Variants in CCDC178 observed in about 807,000 individuals in gnomAD.
CCDC178 encodes coiled-coil domain-containing protein 178.
A neutral mutation model predicts 117.4 loss-of-function variants in CCDC178; 126 were observed. The observed-to-expected ratio is 1.07, with a 90% confidence interval of 0.93 to 1.24. The LOEUF is 1.24. CCDC178 is among the 50% of genes most tolerant of loss of function. The pLI is 0.00. For missense variants in CCDC178, 1,030 were observed against 986.9 expected (o/e 1.04, Z -0.59); for synonymous variants, 283 against 313.4 (o/e 0.90, Z 1.02).
At chr18:33,416,023 A>T (rs920734773) in intron 2 of CCDC178, among the ~76,000 whole-genome samples, 3 of 152,222 alleles carry the variant, frequency 2.0e-5, no homozygotes, top group Non-Finnish European at 4.4e-5. Context: ...GACAAAATAA[A>T]GCTCCAACAA....
chr18:33,366,704 T>C lies in CCDC178; in HGVS notation c.348+3346A>G, dbSNP rs373884208. On this transcript the variant is annotated intron_variant, in intron 6 of 22. Transcript: ENST00000383096. ...CAGATGACTACATATTATATGTAAC[T>C]GGGGTGAAGGCTCCAGCTGATCATC... Among the ~76,000 whole-genome samples the C allele has an allele frequency of 3.1e-4, 47 of 152,146 alleles. No individual in the cohort carries two copies. The South Asian group carries it at 9.3e-3, about 30-fold the overall frequency.
intron 11 of CCDC178, among the ~76,000 whole-genome samples, chr18:33,305,180 C>A (rs1327780678): frequency 6.6e-6 from 1 of 152,158 alleles, no homozygotes; most frequent in Non-Finnish European, 1.5e-5. Flanking sequence ...AGCTTTTTTA[C>A]ATGCTCATAG....
intron 20 of CCDC178, among the ~76,000 whole-genome samples, chr18:33,185,876 C>G (rs2144498127): frequency 6.6e-6 from 1 of 151,944 alleles, no homozygotes; most frequent in Non-Finnish European, 1.5e-5. Flanking sequence ...TGGTGGTTCA[C>G]CAGAATATCT....
chr18:33,257,100 A>G (rs763052270), intron 14 of CCDC178, among the ~76,000 whole-genome samples: 1 of 151,880 alleles, frequency 6.6e-6, no homozygotes, highest in Non-Finnish European at 1.5e-5. Flanking sequence ...TAAAAGCCTT[A>G]CTTTTTGTGT....
rs932511926 is a variant in CCDC178 at position 33,086,997 on chromosome 18, C to T, written c.2388+5764G>A. On this transcript the variant is annotated intron_variant, in intron 21 of 22. Coordinates refer to ENST00000383096, the MANE Select transcript of CCDC178 (RefSeq NM_001105528.4). ...ACACACACACACACACACACACACA[C>T]ACACACACACACACACAACAAAATA... Among the ~76,000 whole-genome samples the T allele has an allele frequency of 9.3e-5, 14 of 150,556 alleles. No homozygotes were observed. In the South Asian group the frequency reaches 2.5e-3, roughly 27 times the overall value.
chr18:33,230,530 T>G (rs1428826067), intron 15 of CCDC178, among the ~76,000 whole-genome samples: 1 of 152,184 alleles, frequency 6.6e-6, no homozygotes, highest in Non-Finnish European at 1.5e-5. Context: ...AATGGGTTTA[T>G]GATTAACAAA....
chr18:33,203,007 T>G (rs1287226182), intron 20 of CCDC178, among the ~76,000 whole-genome samples: 1 of 152,210 alleles, frequency 6.6e-6, no homozygotes, highest in Non-Finnish European at 1.5e-5. Flanking sequence ...TAGGAGGTTT[T>G]GAAAACATTG....
intron 20 of CCDC178, among the ~76,000 whole-genome samples, chr18:33,095,463 AT>A (rs1286259202): frequency 6.6e-6 from 1 of 152,042 alleles, no homozygotes; most frequent in African/African-American, 2.4e-5. Context: ...TTATTATAAA[AT>A]AAAGATTATG....
At chr18:33,120,150 G>A (rs572926004) in intron 20 of CCDC178, among the ~76,000 whole-genome samples, 22 of 151,706 alleles carry the variant, frequency 1.5e-4, no homozygotes, top group African/African-American at 4.6e-4. Context: ...AAACCTGCAC[G>A]TTATGCACAT....
At chr18:33,240,838 TC>T (rs2059478644) in intron 15 of CCDC178, among the ~76,000 whole-genome samples, 1 of 151,832 alleles carries the variant, frequency 6.6e-6, no homozygotes, top group African/African-American at 2.4e-5. Flanking sequence ...AGAAAATTCT[TC>T]CTAGGTCATT....
At chr18:33,378,485 T>C (rs537071437) in intron 5 of CCDC178, among the ~76,000 whole-genome samples, 38 of 152,250 alleles carry the variant, frequency 2.5e-4, no homozygotes, top group African/African-American at 9.1e-4. Context: ...TGTTGAATAG[T>C]AGTCAGAATG....
intron 11 of CCDC178, among the ~76,000 whole-genome samples, chr18:33,299,679 G>A (rs2062150908): frequency 6.6e-6 from 1 of 150,672 alleles, no homozygotes; most frequent in African/African-American, 2.4e-5. Context: ...CAGTGTGCAA[G>A]TACAATGTAC....
intron 10 of CCDC178, among the ~76,000 whole-genome samples, chr18:33,325,567 T>C (rs2062573686): frequency 6.6e-6 from 1 of 152,124 alleles, no homozygotes; most frequent in South Asian, 2.1e-4. Flanking sequence ...ACTAAATATT[T>C]AAAACAATAT....
intron 2 of CCDC178, among the ~76,000 whole-genome samples, chr18:33,416,826 C>T (rs1478627994): frequency 6.6e-6 from 1 of 152,152 alleles, no homozygotes; most frequent in Non-Finnish European, 1.5e-5. Context: ...CCTCCTACCC[C>T]TTCCAGCCAG....
chr18:33,194,077 T>G (rs1315386407), intron 20 of CCDC178, among the ~76,000 whole-genome samples: 4 of 152,170 alleles, frequency 2.6e-5, no homozygotes, highest in Non-Finnish European at 5.9e-5. Flanking sequence ...CTCTTAATAC[T>G]GTTACAATGG....
At chr18:33,239,570 C>G (rs1260519503) in intron 15 of CCDC178, among the ~76,000 whole-genome samples, 2 of 149,162 alleles carry the variant, frequency 1.3e-5, no homozygotes, top group African/African-American at 4.9e-5. Context: ...GTACTTATAT[C>G]AGACAAATCA....
At chr18:32,972,791 G>A (rs554019400) in intron 22 of CCDC178, among the ~76,000 whole-genome samples, 6 of 152,190 alleles carry the variant, frequency 3.9e-5, no homozygotes, top group African/African-American at 1.4e-4. Context: ...CCATGCTGAA[G>A]GTTGTAGACT....
intron 20 of CCDC178, among the ~76,000 whole-genome samples, chr18:33,113,770 T>G (rs2057815175): frequency 6.6e-6 from 1 of 152,074 alleles, no homozygotes. Context: ...TTGGACTGCA[T>G]GCAAGGGACA....
chr18:33,081,174 G>T (rs1266677505), intron 21 of CCDC178, among the ~76,000 whole-genome samples: 1 of 152,034 alleles, frequency 6.6e-6, no homozygotes, highest in Non-Finnish European at 1.5e-5. Flanking sequence ...TGTGTCTGAG[G>T]TTTTACTGAC....
Sources: gnomAD v4.1 joint callset for allele counts (sites outside exome capture counted in the v4.1 genomes callset) on GRCh38, gnomAD v4.1.1 for gene constraint, MANE v1.5 for transcripts, NCBI Gene and HGNC (gene_info 2026-07-23, HGNC 2026-07-21) for gene names.